FRYL: variants seen among roughly 807,000 people sequenced by gnomAD.
The protein encoded by FRYL is protein furry homolog-like.
Under a neutral mutation model 351.2 loss-of-function variants are expected in FRYL, and 150 were observed. The ratio of observed to expected loss-of-function variants is 0.43; its 90% confidence interval spans 0.37 to 0.49. The LOEUF is 0.49. FRYL is among the 20% of genes least tolerant of loss of function. The pLI, the probability that FRYL is intolerant of heterozygous loss-of-function variation, is 0.00. For synonymous variants in FRYL, 1,153 were observed against 1,257.1 expected, an observed-to-expected ratio of 0.92 and a Z score of 1.75; for missense variants, 3,036 against 3,619.3, an observed-to-expected ratio of 0.84 and a Z score of 4.13.
rs1335681332 is a variant in FRYL at position 48,502,823 on chromosome 4, C to T, written c.8481+5G>A. On this transcript the variant is annotated splice_donor_5th_base_variant and intron_variant, in intron 61 of 63. Coordinates refer to ENST00000358350, the MANE Select transcript of FRYL (RefSeq NM_015030.2). ...GTAGTCTATAAATCAAGACAGGTCA[C>T]TTACTGCTAGTATTTCCATTTGCTA... The T allele has an allele frequency of 6.2e-7, 1 of 1,609,950 alleles. No individual in the cohort carries two copies.
At chr4:48,669,538 T>C (rs1762289373) in intron 3 of FRYL, among the ~76,000 whole-genome samples, 1 of 150,486 alleles carries the variant, frequency 6.6e-6, no homozygotes, top group Non-Finnish European at 1.5e-5. Flanking sequence ...ATTTGCATTA[T>C]AATTTATAAT....
intron 55 of FRYL, among the ~76,000 whole-genome samples, chr4:48,519,463 T>G (rs1454214269): frequency 6.6e-6 from 1 of 152,040 alleles, no homozygotes; most frequent in African/African-American, 2.4e-5. Flanking sequence ...GAACCTATTA[T>G]TGAATTTTCC....
intron 33 of FRYL, among the ~76,000 whole-genome samples, chr4:48,560,412 G>A (rs1673308474): frequency 6.6e-6 from 1 of 152,198 alleles, no homozygotes; most frequent in Non-Finnish European, 1.5e-5. Flanking sequence ...AAGGACAAGA[G>A]TGTCTGAAGA....
At chr4:48,553,172 G>A (rs1357699293) in intron 36 of FRYL, 43 bp downstream of exon 36, 1 of 1,514,140 alleles carries the variant, frequency 6.6e-7, no homozygotes, top group East Asian at 2.3e-5. Context: ...AGATGAAGAT[G>A]TCTATCATCT....
At chr4:48,550,098 C>A (rs1215274651) in intron 38 of FRYL, among the ~76,000 whole-genome samples, 2 of 152,198 alleles carry the variant, frequency 1.3e-5, no homozygotes, top group Non-Finnish European at 2.9e-5. Flanking sequence ...AGTCACTTAA[C>A]CTCTCTGGAC....
intron 1 of FRYL, among the ~76,000 whole-genome samples, chr4:48,754,384 A>G (rs1157856913): frequency 1.3e-5 from 2 of 152,216 alleles, no homozygotes; most frequent in Non-Finnish European, 2.9e-5. Flanking sequence ...TTCATTCATC[A>G]GCTGATGGAC....
Position 48,534,493 on chromosome 4 carries a change from A to G in FRYL, c.6705+52T>C, listed in dbSNP as rs1019862622. 3.6e-6 allele frequency: 5 copies of G among 1,385,870 alleles called. No homozygotes were observed. The African/African-American group carries it at 7.2e-5, about 20-fold the overall frequency. The allele number at this position is 1,385,870 out of a possible 1,614,324, so 85.8% of individuals were successfully genotyped here. A position where few individuals can be genotyped will look rare whatever the true frequency, so the allele number is the denominator to read the frequency against. ...AAGGCATTTCCAATATTGTGTGATT[A>G]TAAATCATTTTTAGATGAAAAATGT... is the stretch of plus-strand genomic sequence containing the variant. On this transcript the variant is annotated intron_variant, in intron 49 of 63. Coordinates refer to ENST00000358350, the MANE Select transcript of FRYL (RefSeq NM_015030.2).
intron 1 of FRYL, among the ~76,000 whole-genome samples, chr4:48,770,201 G>A (rs1775372161): frequency 6.6e-6 from 1 of 152,064 alleles, no homozygotes; most frequent in Non-Finnish European, 1.5e-5. Flanking sequence ...GGGAGAAGCT[G>A]AATGAAGGTG....
At chr4:48,613,814 G>A (rs1228475477) in intron 7 of FRYL, among the ~76,000 whole-genome samples, 1 of 152,106 alleles carries the variant, frequency 6.6e-6, no homozygotes, top group Non-Finnish European at 1.5e-5. Flanking sequence ...AAATTAGCCA[G>A]GCGTGGTAGC....
intron 55 of FRYL, among the ~76,000 whole-genome samples, chr4:48,518,518 CAA>C (rs897445833): frequency 6.6e-6 from 1 of 152,134 alleles, no homozygotes; most frequent in African/African-American, 2.4e-5. Context: ...CAAAAAAGGC[CAA>C]AGTTTTAAAA....
chr4:48,513,709 C>G (rs533133117), intron 56 of FRYL, among the ~76,000 whole-genome samples: 24 of 152,232 alleles, frequency 1.6e-4, no homozygotes, highest in African/African-American at 5.8e-4. Flanking sequence ...CAAAATAAAG[C>G]AGACATCTGA....
intron 3 of FRYL, among the ~76,000 whole-genome samples, chr4:48,650,875 C>G (rs1188291484): frequency 6.6e-6 from 1 of 151,942 alleles, no homozygotes; most frequent in African/African-American, 2.4e-5. Context: ...GGAGAGACTA[C>G]GGAAATTTGA....
rs771644187 is a variant in FRYL, at chr4:48,616,220, TA to T, written c.411+3053del. On this transcript the variant is annotated intron_variant, in intron 7 of 63. Transcript: ENST00000358350. The stretch of plus-strand genomic sequence containing the variant: ...TACCCCAGCACTTAAAGTATAATAA[TA>T]AAAAAAAAAATACTGGCCATTTCAC... Among the ~76,000 whole-genome samples the T allele has an allele frequency of 2.5e-3, 353 of 139,104 alleles. 1 individual carries two copies. The highest frequency in any genetic ancestry group is 4.4e-3 in the Non-Finnish European group (275 of 62,910). 91.3% of individuals were successfully genotyped at this position (139,104 alleles called of 152,430 possible).
At chr4:48,552,613 G>C (rs1733121402) in intron 36 of FRYL, among the ~76,000 whole-genome samples, 1 of 151,808 alleles carries the variant, frequency 6.6e-6, no homozygotes, top group South Asian at 2.1e-4. Flanking sequence ...AACATGAATA[G>C]GATGCTACTT....
At chr4:48,532,184 A>G (rs1422428042) in intron 49 of FRYL, among the ~76,000 whole-genome samples, 1 of 151,914 alleles carries the variant, frequency 6.6e-6, no homozygotes, top group East Asian at 1.9e-4. Flanking sequence ...TTCACAGCTG[A>G]TATCTGAGGA....
At chr4:48,722,134 A>C (rs1769545622) in intron 1 of FRYL, among the ~76,000 whole-genome samples, 1 of 152,170 alleles carries the variant, frequency 6.6e-6, no homozygotes, top group South Asian at 2.1e-4. Context: ...GTTTTTAATC[A>C]AACTTTACCC....
At chr4:48,759,833 C>G (rs1024270736) in intron 1 of FRYL, among the ~76,000 whole-genome samples, 1 of 152,170 alleles carries the variant, frequency 6.6e-6, no homozygotes, top group African/African-American at 2.4e-5. Context: ...GGCTAACCCC[C>G]CTATTACAAG....
At chr4:48,752,988 G>T (rs1773404445) in intron 1 of FRYL, among the ~76,000 whole-genome samples, 1 of 152,106 alleles carries the variant, frequency 6.6e-6, no homozygotes, top group Non-Finnish European at 1.5e-5. Context: ...AAATGATTAG[G>T]TGGTTGAGGG....
chr4:48,611,230 T>TA (rs1485207411), intron 7 of FRYL, among the ~76,000 whole-genome samples: 1 of 152,120 alleles, frequency 6.6e-6, no homozygotes, highest in Non-Finnish European at 1.5e-5. Context: ...CTAGATTACT[T>TA]ATAGTATGTA....
Sources: allele counts gnomAD v4.1 joint callset (sites outside exome capture counted in the v4.1 genomes callset), GRCh38; gene constraint gnomAD v4.1.1; transcripts MANE v1.5; gene names NCBI Gene and HGNC (gene_info 2026-07-23, HGNC 2026-07-21).